ZNF354A: variants seen among roughly 807,000 people sequenced by gnomAD.
ZNF354A encodes the protein zinc finger protein 354A.
In ZNF354A, 25 loss-of-function variants were observed where a neutral mutation model predicts 53.3. The ratio of observed to expected loss-of-function variants is 0.47; its 90% CI spans 0.34 to 0.66. The LOEUF (loss-of-function observed/expected upper bound fraction) is 0.66, where lower values mean the gene tolerates loss of function less well. Ranked by LOEUF, ZNF354A falls within the 30% of genes least tolerant of loss-of-function variation. The pLI, the probability that ZNF354A is intolerant of heterozygous loss-of-function variation, is 0.01. For synonymous variants in ZNF354A, 228 were observed against 249.0 expected (o/e 0.92, Z 0.79); for missense variants, 586 against 716.8 (o/e 0.82, Z 2.08).
Position 178,712,823 on chromosome 5 carries a change from T to C in ZNF354A, c.1055A>G (p.Lys352Arg), listed in dbSNP as rs771214516. 6.2e-7 allele frequency: 1 copy of C among 1,614,060 alleles called. No homozygotes were observed. The highest frequency in any genetic ancestry group is 1.1e-5 in the South Asian group (1 of 91,078). Reference protein sequence around the residue: ...SGCQRIHSRKKSYLCNECGNT... With the variant: ...SGCQRIHSRKRSYLCNECGNT... ...GCCACATTCATTACATAAGTAGGAC[T>C]TCTTTCTAGAATGAATTCTTTGACA... is the stretch of plus-strand genomic sequence containing the variant. The change falls in exon 5 of 5, where the codon AAG becomes AGG. Residue 352 changes from lysine (K) to arginine (R), a missense_variant. Transcript: ENST00000335815.
rs1295383331 is a variant in ZNF354A, at chr5:178,730,586, C to G, written c.-82G>C. 6.6e-6 allele frequency: 1 copy of G among 151,956 alleles called. No individual in the cohort carries two copies. Among genetic ancestry groups the G allele is most frequent in the Non-Finnish European group, 1.5e-5 (1 of 67,980 alleles). The allele number at this position is 151,956 out of a possible 1,614,324, so 9.4% of individuals were successfully genotyped here. ...TAAGCTCGAGCGTCCCGGGCCGCGC[C>G]TCCCCAGCCGCGAGGCTCCGGAACC... On this transcript the variant is annotated 5_prime_UTR_variant, in exon 1 of 5. Coordinates refer to ENST00000335815, the MANE Select transcript of ZNF354A (RefSeq NM_005649.3).
chr5:178,729,157 A>G, intron 1 of ZNF354A, 84 bp from the exon 2 acceptor site: 1 of 579,954 alleles, frequency 1.7e-6, no homozygotes, highest in East Asian at 3.0e-5. Context: ...ACTCCCGCTG[A>G]GAAGGACCCC....
At chr5:178,719,003 T>C (rs145177958) in intron 4 of ZNF354A, among the ~76,000 whole-genome samples, 1 of 152,354 alleles carries the variant, frequency 6.6e-6, no homozygotes, top group Non-Finnish European at 1.5e-5. Flanking sequence ...CGTGAATATG[T>C]CTAAGTTCAG....
rs1463043035 is a variant in ZNF354A, at chr5:178,713,002, A to G, written c.876T>C (p.His292=). 1 of 1,614,118 alleles carries G rather than the reference A, an allele frequency of 6.2e-7. No individual in the cohort carries two copies. Among genetic ancestry groups the G allele is most frequent in the East Asian group, 2.2e-5 (1 of 44,870 alleles). ...STSLYKHLRT[H]TVEKSYRCKE... ...TACATCTGTAGGATTTCTCCACAGT[A>G]TGGGTTCTTAGATGTTTATAAAGGG... The change falls in exon 5 of 5, where the codon CAT becomes CAC. Residue 292 remains histidine, a synonymous_variant. Coordinates refer to ENST00000335815, the MANE Select transcript of ZNF354A (RefSeq NM_005649.3).
At chr5:178,727,387 T>C (rs943241161) in intron 2 of ZNF354A, among the ~76,000 whole-genome samples, 2 of 152,216 alleles carry the variant, frequency 1.3e-5, no homozygotes, top group Non-Finnish European at 2.9e-5. Flanking sequence ...TAGAAAACTC[T>C]TTCTGATGGC....
chr5:178,716,828 T>C (rs11747569), intron 4 of ZNF354A, among the ~76,000 whole-genome samples: 102,322 of 151,880 alleles, frequency 0.67, 35,784 homozygotes, highest in East Asian at 0.77. Context: ...GCTGCAATCC[T>C]AGCACTTTGG....
rs757090862 is a variant in ZNF354A at position 178,725,448 on chromosome 5, C to G, written c.184G>C (p.Val62Leu). ...SLGLPFTKPK[V>L]ISLLQQGEDP... ...TCTCCTTGCTGCAACAGGGAGATCA[C>G]TTTTGGTTTGGTAAATGGGAGCCCT... Residue 62 changes from valine (V) to leucine (L), a missense_variant, in exon 4 of 5, where the codon GTG (valine) becomes CTG (leucine). Val to Leu is a conservative substitution (Grantham distance 32). This residue lies in a region of ZNF354A where 573 missense variants were observed against 680.1 expected (regional missense o/e 0.84). Transcript: ENST00000335815. 18 of 1,614,056 alleles carry G rather than the reference C, an allele frequency of 1.1e-5. No individual in the cohort carries two copies. In the East Asian group the frequency reaches 3.6e-4, roughly 32 times the overall value.
chr5:178,725,102 C>A (rs1765880073), intron 4 of ZNF354A, among the ~76,000 whole-genome samples: 1 of 152,168 alleles, frequency 6.6e-6, no homozygotes, highest in African/African-American at 2.4e-5. Flanking sequence ...GAGCTTCAGC[C>A]AGAGTGATTA....
At chr5:178,720,735 G>A (rs994578266) in intron 4 of ZNF354A, among the ~76,000 whole-genome samples, 8 of 152,050 alleles carry the variant, frequency 5.3e-5, no homozygotes, top group East Asian at 1.9e-4. Flanking sequence ...CTTTCATCTC[G>A]TCCACTAGGT....
chr5:178,716,364 C>T (rs575172095), intron 4 of ZNF354A, among the ~76,000 whole-genome samples: 23 of 152,268 alleles, frequency 1.5e-4, no homozygotes, highest in African/African-American at 5.5e-4. Context: ...CCTGTCCTCA[C>T]CCCCTCTTCC....
intron 4 of ZNF354A, among the ~76,000 whole-genome samples, chr5:178,717,395 C>G (rs530883755): frequency 6.6e-6 from 1 of 152,004 alleles, no homozygotes; most frequent in Admixed American, 6.6e-5. Flanking sequence ...TAACAAGACT[C>G]AGGACTCCCA....
chr5:178,717,777 A>G (rs1235141849), intron 4 of ZNF354A, among the ~76,000 whole-genome samples: 2 of 152,200 alleles, frequency 1.3e-5, no homozygotes, highest in Non-Finnish European at 2.9e-5. Context: ...GAATAATATC[A>G]GGAGAGTACA....
At chr5:178,718,244 T>G (rs1190597936) in intron 4 of ZNF354A, among the ~76,000 whole-genome samples, 2 of 152,214 alleles carry the variant, frequency 1.3e-5, no homozygotes, top group Admixed American at 1.3e-4. Flanking sequence ...GGCCTACAAA[T>G]AGGTCTCCTG....
chr5:178,727,249 A>G (rs35287913), intron 2 of ZNF354A, 124 bp from the exon 3 acceptor site: 155,889 of 1,030,798 alleles, frequency 0.15, 11,580 homozygotes, highest in Admixed American at 0.16. Flanking sequence ...AAGGTTCCAG[A>G]TCATTCGTTT....
intron 4 of ZNF354A, 100 bp from the exon 5 acceptor site, chr5:178,713,721 A>G: frequency 7.2e-7 from 1 of 1,383,524 alleles, no homozygotes; most frequent in African/African-American, 1.4e-5. Context: ...TGACATTTAA[A>G]TAAGACCCTG....
intron 4 of ZNF354A, among the ~76,000 whole-genome samples, chr5:178,714,089 C>T (rs1370987619): frequency 2.6e-5 from 4 of 151,880 alleles, no homozygotes; most frequent in East Asian, 3.9e-4. Flanking sequence ...TCACTGCAAC[C>T]GGTCTCCTGG....
At position 178,713,796 on chromosome 5, in the gene ZNF354A, A is replaced by T. The variant is rs549785901; in HGVS notation, c.257-175T>A. On this transcript the variant is annotated intron_variant, in intron 4 of 4. Coordinates refer to ENST00000335815, the MANE Select transcript of ZNF354A (RefSeq NM_005649.3). The stretch of plus-strand genomic sequence containing the variant: ...CAGTTAGACAGTATAATAAAATATA[A>T]TTGACAGCAATTTAAGTACTAGGGT... Among the ~76,000 whole-genome samples, 7 of 152,320 alleles carry T rather than the reference A, an allele frequency of 4.6e-5. No individual in the cohort carries two copies. The South Asian group carries it at 1.4e-3, about 32-fold the overall frequency.
intron 4 of ZNF354A, among the ~76,000 whole-genome samples, chr5:178,723,247 C>T (rs887745951): frequency 1.3e-5 from 2 of 152,248 alleles, no homozygotes; most frequent in African/African-American, 4.8e-5. Flanking sequence ...GCCTGCCCTG[C>T]AGCTCCTTGC....
At chr5:178,730,291 T>TC (rs1470564727) in intron 1 of ZNF354A, among the ~76,000 whole-genome samples, 1 of 151,726 alleles carries the variant, frequency 6.6e-6, no homozygotes, top group Admixed American at 6.6e-5. Flanking sequence ...GTGCCCCGAG[T>TC]CCGCGAGGCC....
Sources: allele counts gnomAD v4.1 joint callset (sites outside exome capture counted in the v4.1 genomes callset), GRCh38; gene constraint gnomAD v4.1.1; regional missense constraint gnomAD v4.1.1; transcripts MANE v1.5; gene names NCBI Gene and HGNC (gene_info 2026-07-23, HGNC 2026-07-21).